GRIP1: variants seen among roughly 807,000 people sequenced by gnomAD.
The protein encoded by GRIP1 is glutamate receptor-interacting protein 1.
A neutral mutation model predicts 129.9 loss-of-function variants in GRIP1; 45 were observed. That is an observed-to-expected ratio of 0.35 (90% CI 0.27 to 0.44). GRIP1 has a LOEUF of 0.44. Ranked by LOEUF, GRIP1 falls within the 20% of genes least tolerant of loss-of-function variation. The probability of loss-of-function intolerance (pLI) is 1.00; values close to 1 mark genes in which losing one functional copy is unlikely to be tolerated. For synonymous variants in GRIP1, 530 were observed against 520.8 expected (o/e 1.02, Z -0.24); for missense variants, 1,196 against 1,396.8 (o/e 0.86, Z 2.29).
At chr12:66,955,497 T>A (rs2041825484) in intron 1 of GRIP1, among the ~76,000 whole-genome samples, 1 of 132,888 alleles carries the variant, frequency 7.5e-6, no homozygotes, top group Admixed American at 8.3e-5. Flanking sequence ...TATATATTAC[T>A]TTTTTGGTTT....
intron 1 of GRIP1, among the ~76,000 whole-genome samples, chr12:66,786,763 G>A (rs1347179823): frequency 2.6e-5 from 4 of 152,184 alleles, no homozygotes; most frequent in Non-Finnish European, 5.9e-5. Context: ...AGTCATTATC[G>A]AGAGGAGCCT....
At chr12:66,657,863 A>T (rs1034412082) in intron 1 of GRIP1, among the ~76,000 whole-genome samples, 1 of 152,208 alleles carries the variant, frequency 6.6e-6, no homozygotes, top group South Asian at 2.1e-4. Context: ...GACAGGAGGG[A>T]TTCTATTTTA....
intron 1 of GRIP1, among the ~76,000 whole-genome samples, chr12:66,949,343 T>C (rs758913798): frequency 7.9e-5 from 12 of 152,164 alleles, no homozygotes; most frequent in African/African-American, 9.7e-5. Context: ...ATTCTTCTGA[T>C]TGGGAGTAAG....
chr12:66,773,368 G>T (rs1566015035), intron 1 of GRIP1, among the ~76,000 whole-genome samples: 1 of 152,132 alleles, frequency 6.6e-6, no homozygotes, highest in Non-Finnish European at 1.5e-5. Context: ...GGATTGATGG[G>T]TCAAATGGTA....
intron 1 of GRIP1, among the ~76,000 whole-genome samples, chr12:66,913,444 C>T (rs1200134453): frequency 1.3e-5 from 2 of 152,060 alleles, no homozygotes. Context: ...CAAAAAAAAC[C>T]CTCAGTAATG....
intron 2 of GRIP1, among the ~76,000 whole-genome samples, chr12:66,594,477 TTTTTTA>T (rs2063969430): frequency 6.6e-6 from 1 of 152,206 alleles, no homozygotes; most frequent in African/African-American, 2.4e-5. Flanking sequence ...TTTGTGATTC[TTTTTTA>T]TTTTTATTAT....
intron 16 of GRIP1, among the ~76,000 whole-genome samples, chr12:66,398,221 C>T (rs2056865644): frequency 1.3e-5 from 2 of 152,062 alleles, no homozygotes; most frequent in African/African-American, 4.8e-5. Flanking sequence ...CTTCTCTTTC[C>T]TTCCCAGAAT....
At chr12:66,450,394 G>A (rs1399463525) in intron 11 of GRIP1, among the ~76,000 whole-genome samples, 1 of 145,670 alleles carries the variant, frequency 6.9e-6, no homozygotes, top group Non-Finnish European at 1.5e-5. Context: ...ACTAGATATA[G>A]TGAAGCCTTC....
At chr12:66,563,039 C>CG (rs1349144319) in intron 2 of GRIP1, among the ~76,000 whole-genome samples, 1 of 151,376 alleles carries the variant, frequency 6.6e-6, no homozygotes, top group Non-Finnish European at 1.5e-5. Flanking sequence ...CTTGCTATCT[C>CG]GGGGGTGGCA....
intron 23 of GRIP1, among the ~76,000 whole-genome samples, chr12:66,357,823 T>C (rs2054565623): frequency 6.6e-6 from 1 of 152,220 alleles, no homozygotes; most frequent in African/African-American, 2.4e-5. Context: ...GGTGGCCCAA[T>C]GAGAATTTGT....
chr12:66,392,170 T>A (rs755656389), intron 19 of GRIP1, 138 bp downstream of exon 19: 1 of 659,288 alleles, frequency 1.5e-6, no homozygotes, highest in Non-Finnish European at 2.7e-6. Context: ...GTATTCAATG[T>A]GTTCAATATG....
chr12:66,947,366 T>C (rs879547972), intron 1 of GRIP1, among the ~76,000 whole-genome samples: 3 of 152,222 alleles, frequency 2.0e-5, no homozygotes, highest in Non-Finnish European at 4.4e-5. Context: ...ATAGTAGCCA[T>C]AAGGATATGC....
intron 1 of GRIP1, among the ~76,000 whole-genome samples, chr12:66,938,409 T>C (rs1376232865): frequency 6.6e-6 from 1 of 152,218 alleles, no homozygotes; most frequent in Non-Finnish European, 1.5e-5. Context: ...ATTTTTGATG[T>C]GTTAGGCTAA....
At chr12:66,975,326 G>A (rs2042135696) in intron 1 of GRIP1, among the ~76,000 whole-genome samples, 1 of 152,194 alleles carries the variant, frequency 6.6e-6, no homozygotes, top group East Asian at 1.9e-4. Context: ...ATCTAAAATT[G>A]TAAACAAAGG....
In GRIP1 at chr12:66,739,332, C is replaced by A. The variant is rs376135394; in HGVS notation, c.-420+64721G>T. Reference sequence around the variant, plus strand: ...GCTTAGAAGGCCAAAGTAATTTGCACAAAGAATGTATGGTGGAGCCAGCAG... The same window carrying A: ...GCTTAGAAGGCCAAAGTAATTTGCAAAAAGAATGTATGGTGGAGCCAGCAG... On this transcript the variant is annotated intron_variant, in intron 1 of 4. Transcript: ENST00000538373. Among the ~76,000 whole-genome samples, 125 of 152,166 alleles carry A rather than the reference C, an allele frequency of 8.2e-4. 1 individual carries two copies. The highest frequency in any genetic ancestry group is 3.0e-3 in the African/African-American group (123 of 41,526).
chr12:66,759,213 A>G (rs1338266680), intron 1 of GRIP1, among the ~76,000 whole-genome samples: 1 of 152,230 alleles, frequency 6.6e-6, no homozygotes, highest in East Asian at 1.9e-4. Flanking sequence ...GTGCACCCAC[A>G]GGCTCAACAC....
intron 1 of GRIP1, among the ~76,000 whole-genome samples, chr12:66,879,866 G>A: frequency 6.6e-6 from 1 of 152,080 alleles, no homozygotes; most frequent in East Asian, 1.9e-4. Context: ...TATAATAAAG[G>A]TATGCAAGGA....
At chr12:66,592,508 T>C (rs1565893199) in intron 2 of GRIP1, among the ~76,000 whole-genome samples, 3 of 152,196 alleles carry the variant, frequency 2.0e-5, no homozygotes, top group Admixed American at 1.3e-4. Flanking sequence ...TGCATCAAAG[T>C]TTAGAAATGT....
chr12:66,764,479 G>C (rs563825773), intron 1 of GRIP1, among the ~76,000 whole-genome samples: 6 of 152,254 alleles, frequency 3.9e-5, no homozygotes, highest in Non-Finnish European at 5.9e-5. Flanking sequence ...CTTATACTAA[G>C]ACCTTTGACC....
Sources: gnomAD v4.1 joint callset for allele counts (sites outside exome capture counted in the v4.1 genomes callset) on GRCh38, gnomAD v4.1.1 for gene constraint, MANE v1.5 for transcripts, NCBI Gene and HGNC (gene_info 2026-07-23, HGNC 2026-07-21) for gene names.